The following ZDHHC2 variants were observed in gnomAD, a reference collection of about 807,000 sequenced individuals.
The protein encoded by ZDHHC2 is palmitoyltransferase ZDHHC2.
ZDHHC2 carries 51 observed loss-of-function variants against 55.6 expected under a neutral mutation model. That is an observed-to-expected ratio of 0.92 (90% CI 0.73 to 1.16). ZDHHC2 has a LOEUF of 1.16. Ranked by LOEUF, ZDHHC2 falls within the 50% of genes most tolerant of loss-of-function variation. ZDHHC2 has a pLI of 0.00. For missense variants in ZDHHC2, 491 were observed against 442.4 expected, an observed-to-expected ratio of 1.11 and a Z score of -0.99; for synonymous variants, 199 against 152.9, an observed-to-expected ratio of 1.30 and a Z score of -2.22.
Position 17,221,288 on chromosome 8 carries a change from G to C in ZDHHC2, c.*1067G>C, listed in dbSNP as rs904790954. On this transcript the variant is annotated 3_prime_UTR_variant, in exon 13 of 13. Coordinates refer to ENST00000262096, the MANE Select transcript of ZDHHC2 (RefSeq NM_016353.5). ...AGTTCAACATGAACTAAAATGGCAT[G>C]CTATTTGGAAATTTAGTTTGAGATA... 1.2e-4 allele frequency: 18 copies of C among 152,474 alleles called. No homozygotes were observed. Among genetic ancestry groups the C allele is most frequent in the African/African-American group, 3.9e-4 (16 of 41,420 alleles). The allele number at this position is 152,474 out of a possible 1,614,324, so 9.4% of individuals were successfully genotyped here.
At chr8:17,202,595 A>G (rs1806846281) in intron 6 of ZDHHC2, among the ~76,000 whole-genome samples, 1 of 152,176 alleles carries the variant, frequency 6.6e-6, no homozygotes, top group South Asian at 2.1e-4. Context: ...ATAGATTCAG[A>G]ATAAGTCTTC....
intron 1 of ZDHHC2, among the ~76,000 whole-genome samples, chr8:17,178,089 CA>C (rs1805239414): frequency 6.6e-6 from 1 of 152,070 alleles, no homozygotes; most frequent in Non-Finnish European, 1.5e-5. Flanking sequence ...GGTGTAGTAG[CA>C]CACAAGTAGC....
At chr8:17,211,700 C>A (rs1486395572) in intron 10 of ZDHHC2, among the ~76,000 whole-genome samples, 1 of 152,056 alleles carries the variant, frequency 6.6e-6, no homozygotes, top group Non-Finnish European at 1.5e-5. Context: ...GTCACCCCAT[C>A]CCTAGAGTGA....
chr8:17,178,553 T>A (rs775556397), intron 1 of ZDHHC2, among the ~76,000 whole-genome samples: 7 of 152,228 alleles, frequency 4.6e-5, no homozygotes, highest in Non-Finnish European at 1.5e-5. Context: ...TCTGTCATTG[T>A]AGCACATAAG....
At chr8:17,198,064 G>A (rs1004928946) in intron 5 of ZDHHC2, among the ~76,000 whole-genome samples, 14 of 152,132 alleles carry the variant, frequency 9.2e-5, no homozygotes, top group African/African-American at 1.9e-4. Context: ...CAGACTTTCC[G>A]TAAATCCGTT....
chr8:17,221,797 C>G lies in ZDHHC2; in HGVS notation c.*1576C>G, dbSNP rs1185609488. ...TTTGTATTATGCTGAAGAGTTTCAT[C>G]TGACAATCTGCTTCAAGAAATCTCA... is the stretch of plus-strand genomic sequence containing the variant. On this transcript the variant is annotated 3_prime_UTR_variant, in exon 13 of 13. Coordinates refer to ENST00000262096, the MANE Select transcript of ZDHHC2 (RefSeq NM_016353.5). 6.6e-6 allele frequency: 1 copy of G among 152,412 alleles called. No individual in the cohort carries two copies. Among genetic ancestry groups the G allele is most frequent in the Non-Finnish European group, 1.5e-5 (1 of 67,898 alleles). The allele number at this position is 152,412 out of a possible 1,614,324, so 9.4% of individuals were successfully genotyped here.
rs1350880368 is a variant in ZDHHC2 at position 17,195,553 on chromosome 8, G to A, written c.302G>A (p.Gly101Glu). ...GATTTGTTGGAGAGAGAGCCAAGAGGAGAAGCCCATCAGGAAGTTCTTAGG... is the reference window on the plus strand; with the variant it reads ...GATTTGTTGGAGAGAGAGCCAAGAGAAGAAGCCCATCAGGAAGTTCTTAGG... ...EKDLLEREPR[G>E]EAHQEVLRRA... The change falls in exon 4 of 13, where the codon GGA becomes GAA. Residue 101 changes from glycine to glutamate, a missense_variant. Physicochemically the swap from Gly to Glu is moderately conservative, Grantham distance 98 (BLOSUM62 -2). Transcript: ENST00000262096. 1.2e-6 allele frequency: 2 copies of A among 1,613,894 alleles called. No individual in the cohort carries two copies. Among genetic ancestry groups the A allele is most frequent in the Non-Finnish European group, 1.7e-6 (2 of 1,179,828 alleles).
intron 1 of ZDHHC2, among the ~76,000 whole-genome samples, chr8:17,171,913 C>G (rs895861587): frequency 4.0e-5 from 6 of 151,754 alleles, no homozygotes; most frequent in African/African-American, 1.5e-4. Context: ...GCTAAGAGAG[C>G]CAGACAGACT....
chr8:17,194,655 A>G (rs566686652), intron 3 of ZDHHC2, among the ~76,000 whole-genome samples: 2 of 152,136 alleles, frequency 1.3e-5, no homozygotes, highest in South Asian at 4.1e-4. Flanking sequence ...GTTCTATAAG[A>G]TTGTTTTATG....
At chr8:17,168,835 A>G (rs150989226) in intron 1 of ZDHHC2, among the ~76,000 whole-genome samples, 7 of 152,154 alleles carry the variant, frequency 4.6e-5, no homozygotes, top group African/African-American at 7.2e-5. Context: ...CATTTTTTCA[A>G]AGTTCACCTG....
At chr8:17,172,682 G>A (rs1434187652) in intron 1 of ZDHHC2, among the ~76,000 whole-genome samples, 5 of 152,178 alleles carry the variant, frequency 3.3e-5, no homozygotes, top group African/African-American at 1.2e-4. Context: ...CCAACCAGGA[G>A]AGATCCATAT....
At chr8:17,205,552 C>G in intron 6 of ZDHHC2, 103 bp from the exon 7 acceptor site, 2 of 1,259,384 alleles carry the variant, frequency 1.6e-6, no homozygotes, top group Non-Finnish European at 2.1e-6. Flanking sequence ...TAAAGAAATG[C>G]CAATAAATTA....
chr8:17,176,949 C>T (rs1332492772), intron 1 of ZDHHC2, among the ~76,000 whole-genome samples: 1 of 152,078 alleles, frequency 6.6e-6, no homozygotes, highest in Non-Finnish European at 1.5e-5. Flanking sequence ...TGCAATTAAA[C>T]TGAAAATGTT....
At chr8:17,184,440 C>T (rs969830964) in intron 1 of ZDHHC2, among the ~76,000 whole-genome samples, 1 of 152,226 alleles carries the variant, frequency 6.6e-6, no homozygotes, top group Non-Finnish European at 1.5e-5. Flanking sequence ...AATGTAATGA[C>T]CTGGAGAGCA....
intron 4 of ZDHHC2, 106 bp from the exon 5 acceptor site, chr8:17,197,476 T>G (rs1806377986): frequency 1.0e-6 from 1 of 981,166 alleles, no homozygotes; most frequent in Admixed American, 2.5e-5. Flanking sequence ...ATATTTAAAT[T>G]TCATATGCTT....
chr8:17,198,447 C>T lies in ZDHHC2; in HGVS notation c.476+34C>T, dbSNP rs185184143. ...GCTGTATATTTAAACAAGTTTGTGT[C>T]CCTTGTAAATGTTAATAAATTAAAT... On this transcript the variant is annotated intron_variant, in intron 6 of 12. Coordinates refer to ENST00000262096, the MANE Select transcript of ZDHHC2 (RefSeq NM_016353.5). 1.2e-3 allele frequency: 1,838 copies of T among 1,566,958 alleles called. 28 individuals carry two copies. Among genetic ancestry groups the T allele is most frequent in the Non-Finnish European group, 1.9e-4 (221 of 1,156,982 alleles).
At chr8:17,177,856 A>G (rs1476100316) in intron 1 of ZDHHC2, among the ~76,000 whole-genome samples, 3 of 152,100 alleles carry the variant, frequency 2.0e-5, no homozygotes, top group African/African-American at 7.2e-5. Flanking sequence ...GTGGTTTTAT[A>G]TTGAAAAGTT....
intron 3 of ZDHHC2, among the ~76,000 whole-genome samples, chr8:17,193,657 A>G (rs1488819923): frequency 6.6e-6 from 1 of 152,270 alleles, no homozygotes; most frequent in Admixed American, 6.5e-5. Flanking sequence ...GGCCGGGTTC[A>G]GAGATGCCAT....
chr8:17,215,491 A>G, intron 11 of ZDHHC2, 142 bp downstream of exon 11: 1 of 743,802 alleles, frequency 1.3e-6, no homozygotes. Context: ...AATTATTTTC[A>G]AAGAACTATT....
Sources: gnomAD v4.1 joint callset for allele counts (sites outside exome capture counted in the v4.1 genomes callset) on GRCh38, gnomAD v4.1.1 for gene constraint, MANE v1.5 for transcripts, NCBI Gene and HGNC (gene_info 2026-07-23, HGNC 2026-07-21) for gene names.